The following GLIS3 variants were observed in gnomAD, a reference collection of about 807,000 sequenced individuals.
The protein encoded by GLIS3 is GLIS family zinc finger 3.
GLIS3 carries 53 observed loss-of-function variants against 78.6 expected under a neutral mutation model. The observed-to-expected ratio is 0.67, with a 90% CI of 0.54 to 0.85. GLIS3 has a LOEUF of 0.85. GLIS3 is among the 40% of genes least tolerant of loss of function. The probability of loss-of-function intolerance (pLI) is 0.00; values close to 1 mark genes in which losing one functional copy is unlikely to be tolerated. For synonymous variants in GLIS3, 684 were observed against 509.9 expected (o/e 1.34, Z -4.60); for missense variants, 1,703 against 1,231.1 (o/e 1.38, Z -5.74).
chr9:4,302,809 C>G (rs1276579876), upstream of GLIS3, among the ~76,000 whole-genome samples: 1 of 152,132 alleles, frequency 6.6e-6, no homozygotes, highest in Non-Finnish European at 1.5e-5. Flanking sequence ...GTTAGATGAG[C>G]ACAATGAAGT....
intron 2 of GLIS3, among the ~76,000 whole-genome samples, chr9:4,266,628 ACACT>A (rs1411768143): frequency 7.6e-6 from 1 of 131,658 alleles, no homozygotes; most frequent in Non-Finnish European, 1.7e-5. Flanking sequence ...ACACACACAC[ACACT>A]TTCCTTAGCA....
the GLIS3 span, among the ~76,000 whole-genome samples, chr9:4,446,469 G>C: frequency 6.7e-6 from 1 of 150,182 alleles, no homozygotes; most frequent in Non-Finnish European, 1.5e-5. Flanking sequence ...TGTTGTAGCT[G>C]TCCAAGTGGA....
intron 2 of GLIS3, among the ~76,000 whole-genome samples, chr9:4,326,412 G>C (rs544280833): frequency 3.3e-5 from 5 of 152,226 alleles, no homozygotes; most frequent in African/African-American, 9.6e-5. Context: ...CTACAACATG[G>C]ACACATCTCG....
chr9:4,232,108 A>G lies in GLIS3; in HGVS notation c.388+53930T>C, dbSNP rs140542047. Among the ~76,000 whole-genome samples the G allele has an allele frequency of 4.1e-3, 623 of 152,326 alleles. 3 individuals carry two copies. Among genetic ancestry groups the G allele is most frequent in the African/African-American group, 0.014 (569 of 41,568 alleles). ...ATGAAACAGACAGGACTGGGCATGG[A>G]GACGCACACCTGTAATGCCAGCACT... On this transcript the variant is annotated intron_variant, in intron 2 of 10. Coordinates refer to ENST00000381971, the MANE Select transcript of GLIS3 (RefSeq NM_001042413.2).
intron 6 of GLIS3, among the ~76,000 whole-genome samples, chr9:3,905,463 C>T (rs994619778): frequency 2.0e-5 from 3 of 152,088 alleles, no homozygotes; most frequent in Non-Finnish European, 2.9e-5. Context: ...GAGATTGAAG[C>T]AATAAAACAG....
At chr9:4,016,688 T>C (rs1301023164) in intron 4 of GLIS3, among the ~76,000 whole-genome samples, 2 of 151,458 alleles carry the variant, frequency 1.3e-5, no homozygotes, top group Non-Finnish European at 2.9e-5. Flanking sequence ...TCTGCTCTGA[T>C]GTGGACTTGA....
intron 2 of GLIS3, among the ~76,000 whole-genome samples, chr9:4,330,547 A>G (rs900774521): frequency 2.0e-5 from 3 of 152,028 alleles, no homozygotes; most frequent in Admixed American, 1.3e-4. Context: ...AGGGAGGTGG[A>G]GATGAAGGTT....
intron 4 of GLIS3, among the ~76,000 whole-genome samples, chr9:3,967,884 T>G (rs994656746): frequency 6.6e-6 from 1 of 151,812 alleles, no homozygotes; most frequent in African/African-American, 2.4e-5. Context: ...AGGGGGAGAG[T>G]GATGGAGGCT....
the GLIS3 span, among the ~76,000 whole-genome samples, chr9:4,375,907 G>C: frequency 1.3e-5 from 2 of 152,262 alleles, no homozygotes; most frequent in Admixed American, 1.3e-4. Context: ...GCAGGCATTA[G>C]AATAACCAGT....
chr9:4,453,345 CAAAAAA>C, the GLIS3 span, among the ~76,000 whole-genome samples: 12 of 91,674 alleles, frequency 1.3e-4, no homozygotes, highest in African/African-American at 4.1e-4. Flanking sequence ...TTCTGCACAG[CAAAAAA>C]AAAAAAAAAA....
chr9:3,941,971 T>C (rs1327820088), intron 4 of GLIS3, among the ~76,000 whole-genome samples: 1 of 152,212 alleles, frequency 6.6e-6, no homozygotes, highest in African/African-American at 2.4e-5. Context: ...ACTTTCCCTT[T>C]CCATTAGAGG....
At chr9:3,869,922 G>C (rs1040848818) in intron 8 of GLIS3, among the ~76,000 whole-genome samples, 13 of 152,226 alleles carry the variant, frequency 8.5e-5, no homozygotes, top group Non-Finnish European at 1.8e-4. Context: ...AGGCAGAGGA[G>C]AGGCTTCCTG....
chr9:3,987,822 A>C (rs1329346168), intron 4 of GLIS3, among the ~76,000 whole-genome samples: 1 of 151,344 alleles, frequency 6.6e-6, no homozygotes, highest in Non-Finnish European at 1.5e-5. Flanking sequence ...GATTCAAAAA[A>C]CAGTGAATCC....
chr9:4,372,306 G>C, the GLIS3 span, among the ~76,000 whole-genome samples: 6 of 152,056 alleles, frequency 3.9e-5, no homozygotes, highest in African/African-American at 1.2e-4. Context: ...TTTTTAACCA[G>C]GTTGTATTAA....
intron 2 of GLIS3, among the ~76,000 whole-genome samples, chr9:4,340,347 T>C (rs896069945): frequency 6.9e-5 from 10 of 144,438 alleles, no homozygotes; most frequent in Non-Finnish European, 1.4e-4. Context: ...TGATGTCATC[T>C]GACTTTTGAG....
chr9:4,297,821 G>A (rs1563917610), intron 1 of GLIS3, among the ~76,000 whole-genome samples: 2 of 152,226 alleles, frequency 1.3e-5, no homozygotes, highest in African/African-American at 4.8e-5. Context: ...GAGAAGTCGG[G>A]AGAGGTGCCG....
the GLIS3 span, among the ~76,000 whole-genome samples, chr9:4,466,597 G>A: frequency 2.4e-4 from 37 of 152,312 alleles, no homozygotes; most frequent in Non-Finnish European, 4.6e-4. Context: ...CATAACCAAT[G>A]GGATTTATAC....
At chr9:4,382,783 T>C in the GLIS3 span, among the ~76,000 whole-genome samples, 2 of 152,216 alleles carry the variant, frequency 1.3e-5, no homozygotes, top group African/African-American at 4.8e-5. Flanking sequence ...CCTTTCCATT[T>C]CTCATGTAGC....
At chr9:4,487,928 G>C in the GLIS3 span, among the ~76,000 whole-genome samples, 1 of 151,964 alleles carries the variant, frequency 6.6e-6, no homozygotes, top group Non-Finnish European at 1.5e-5. Flanking sequence ...CTAGCCTCAA[G>C]TGATCCTTCT....
Sources: gnomAD v4.1 joint callset for allele counts (sites outside exome capture counted in the v4.1 genomes callset) on GRCh38, gnomAD v4.1.1 for gene constraint, MANE v1.5 for transcripts, NCBI Gene and HGNC (gene_info 2026-07-23, HGNC 2026-07-21) for gene names.